PWWP3A: variants seen among roughly 807,000 people sequenced by gnomAD.
PWWP3A encodes the protein PWWP domain-containing DNA repair factor 3A.
In PWWP3A, 53 loss-of-function variants were observed where a neutral mutation model predicts 79.0. The observed-to-expected ratio is 0.67, with a 90% CI of 0.54 to 0.84. The LOEUF (loss-of-function observed/expected upper bound fraction) is 0.84, where lower values mean the gene tolerates loss of function less well. PWWP3A is among the 40% of genes least tolerant of loss of function. The pLI is 0.00. For synonymous variants in PWWP3A, 443 were observed against 394.4 expected, an observed-to-expected ratio of 1.12 and a Z score of -1.46; for missense variants, 973 against 948.0, an observed-to-expected ratio of 1.03 and a Z score of -0.35.
chr19:1,369,393 G>A lies in PWWP3A; in HGVS notation c.1498+53G>A. The A allele has an allele frequency of 1.3e-6, 2 of 1,591,738 alleles. No homozygotes were observed. The highest frequency in any genetic ancestry group is 2.2e-5 in the East Asian group (1 of 44,760). On this transcript the variant is annotated intron_variant, in intron 10 of 13. Transcript: ENST00000591337. The surrounding 1 kb of genome is among the most constrained non-coding windows in gnomAD (Gnocchi z 4.0). ...GCTGGGCAGCAGGCGTCCAGCCTCT[G>A]AAGACCCCTTGGACGGGCTGGGCCG...
intron 4 of PWWP3A, chr19:1,358,976 G>C: frequency 6.1e-6 from 2 of 325,706 alleles, no homozygotes; most frequent in Non-Finnish European, 1.2e-5. Context: ...CTGTCATGGG[G>C]GGCACGAGGC....
intron 4 of PWWP3A, chr19:1,359,061 C>G (rs996318629): frequency 1.2e-5 from 3 of 255,578 alleles, no homozygotes; most frequent in African/African-American, 6.5e-5. Flanking sequence ...TAGCACCCAC[C>G]TCCTTTGCAC....
chr19:1,373,196 G>A (rs748388445), intron 13 of PWWP3A, 36 bp downstream of exon 13: 12 of 1,581,006 alleles, frequency 7.6e-6, no homozygotes, highest in South Asian at 4.5e-5. Flanking sequence ...AGCCACTTGC[G>A]TCTCTGCCTT....
intron 9 of PWWP3A, 62 bp downstream of exon 9, chr19:1,367,282 C>T (rs761761118): frequency 1.5e-6 from 2 of 1,372,182 alleles, no homozygotes; most frequent in East Asian, 2.3e-5. Context: ...TAAATATGTC[C>T]TCTGTGTGTA....
chr19:1,370,622 G>C lies in PWWP3A; in HGVS notation c.1550-20G>C. 1 of 1,444,740 alleles carries C rather than the reference G, an allele frequency of 6.9e-7. No individual in the cohort carries two copies. The highest frequency in any genetic ancestry group is 1.5e-5 in the South Asian group (1 of 66,514). 89.5% of individuals were successfully genotyped at this position (1,444,740 alleles called of 1,614,324 possible). A position where few individuals can be genotyped will look rare whatever the true frequency, so the allele number is the denominator to read the frequency against. ...AAGGCAGCCCACGCGCTGGTCCCAC[G>C]ACAGGTGCTTCTTTTGCAGGCTATC... On this transcript the variant is annotated intron_variant, in intron 11 of 13. Transcript: ENST00000591337.
intron 13 of PWWP3A, among the ~76,000 whole-genome samples, chr19:1,374,667 C>T (rs2144770183): frequency 6.6e-6 from 1 of 152,238 alleles, no homozygotes; most frequent in Admixed American, 6.5e-5. Context: ...AGAGGGGTTG[C>T]TAGCTAAGCA....
chr19:1,358,661 C>T, intron 4 of PWWP3A, 197 bp downstream of exon 4: 1 of 1,530,538 alleles, frequency 6.5e-7, no homozygotes, highest in Non-Finnish European at 8.7e-7. Flanking sequence ...GAATTTGCCC[C>T]TAGAACCACT....
intron 9 of PWWP3A, 122 bp downstream of exon 9, chr19:1,367,342 G>A (rs2082150764): frequency 2.4e-6 from 2 of 829,378 alleles, no homozygotes; most frequent in South Asian, 1.7e-5. Flanking sequence ...ATTGTGGGAA[G>A]TAGCAGAGCC....
Position 1,369,375 on chromosome 19 carries a change from A to G in PWWP3A, c.1498+35A>G, listed in dbSNP as rs201145625. 2.1e-4 allele frequency: 339 copies of G among 1,603,742 alleles called. 3 individuals carry two copies. The East Asian group carries it at 6.8e-3, about 32-fold the overall frequency. On this transcript the variant is annotated intron_variant, in intron 10 of 13. Transcript: ENST00000591337. This position sits in a 1 kb window ranked among gnomAD's most constrained non-coding sequence, Gnocchi z 4.0. ...GTGCTGGGGAGGGGTGGAGCTGGGC[A>G]GCAGGCGTCCAGCCTCTGAAGACCC...
chr19:1,369,215 G>T lies in PWWP3A; in HGVS notation c.1423-50G>T, dbSNP rs1351573192. On this transcript the variant is annotated intron_variant, in intron 9 of 13. Coordinates refer to ENST00000591337, the MANE Select transcript of PWWP3A (RefSeq NM_001369789.1). This position sits in a 1 kb window ranked among gnomAD's most constrained non-coding sequence, Gnocchi z 4.0. Reference sequence around the variant, plus strand: ...GCTCTGCGTGGCTTCTGAACCCAGGGTGCTTGGCACTGCCTCCCACTGACG... The same window carrying T: ...GCTCTGCGTGGCTTCTGAACCCAGGTTGCTTGGCACTGCCTCCCACTGACG... 2 of 1,585,600 alleles carry T rather than the reference G, an allele frequency of 1.3e-6. No homozygotes were observed. The highest frequency in any genetic ancestry group is 2.2e-5 in the South Asian group (2 of 89,986).
intron 6 of PWWP3A, among the ~76,000 whole-genome samples, chr19:1,363,132 G>C (rs965697874): frequency 1.4e-4 from 22 of 152,248 alleles, no homozygotes; most frequent in Non-Finnish European, 2.9e-5. Flanking sequence ...GGATGTCCCC[G>C]GCCAGGAAGC....
intron 1 of PWWP3A, among the ~76,000 whole-genome samples, chr19:1,355,592 C>A (rs1472003010): frequency 7.0e-6 from 1 of 143,572 alleles, no homozygotes; most frequent in Non-Finnish European, 1.5e-5. Context: ...GCTGTGACCC[C>A]CTTCTCTGTT....
In PWWP3A at chr19:1,370,676, C is replaced by G. The variant is rs12608765; in HGVS notation, c.1584C>G (p.Val528=). 675,054 of 1,451,438 alleles carry G rather than the reference C, an allele frequency of 0.47. 162,867 individuals carry two copies. Among genetic ancestry groups the G allele is most frequent in the Middle Eastern group, 0.54 (2,649 of 4,890 alleles). The allele number at this position is 1,451,438 out of a possible 1,614,324, so 89.9% of individuals were successfully genotyped here. The change falls in exon 12 of 14, where the codon GTC becomes GTG. Residue 528 remains valine, a synonymous_variant. Coordinates refer to ENST00000591337, the MANE Select transcript of PWWP3A (RefSeq NM_001369789.1). Reference sequence around the variant, plus strand: ...TCCGAAAATCCATCCAGCAGGACGTCTTGGGGACCAAGCTTCCTCAACTGA... The same window carrying G: ...TCCGAAAATCCATCCAGCAGGACGTGTTGGGGACCAAGCTTCCTCAACTGA... The part of the protein sequence containing the change: ...YPVRKSIQQD[V]LGTKLPQLSK...
intron 6 of PWWP3A, among the ~76,000 whole-genome samples, chr19:1,363,877 C>T (rs1182140067): frequency 6.6e-6 from 1 of 152,200 alleles, no homozygotes; most frequent in African/African-American, 2.4e-5. Context: ...CACTTCCTTC[C>T]TTCCACAGTG....
intron 6 of PWWP3A, among the ~76,000 whole-genome samples, chr19:1,362,919 C>T (rs983071418): frequency 1.2e-4 from 18 of 152,250 alleles, no homozygotes; most frequent in African/African-American, 3.9e-4. Flanking sequence ...AACAGAAAGT[C>T]GGCTTCGCAA....
chr19:1,356,638 G>A (rs1215659868), intron 2 of PWWP3A, among the ~76,000 whole-genome samples, 189 bp downstream of exon 2: 1 of 142,656 alleles, frequency 7.0e-6, no homozygotes, highest in Admixed American at 7.3e-5. Context: ...TTCCAGAAAT[G>A]TCTTTTTTTT....
Position 1,360,695 on chromosome 19 carries a change from G to C in PWWP3A, c.774G>C (p.Gly258=). 1 of 1,613,494 alleles carries C rather than the reference G, an allele frequency of 6.2e-7. No individual in the cohort carries two copies. The highest frequency in any genetic ancestry group is 1.1e-5 in the South Asian group (1 of 91,042). The part of the protein sequence containing the change: ...GSWAAPSLPS[G]VREDDPCANA... ...GGGCAGCCCCGTCCTTGCCCTCCGG[G>C]GTCAGGGAGGACGATCCCTGTGCCA... Residue 258 remains glycine (G), a synonymous_variant, in exon 5 of 14, where the codon GGG becomes GGC. Coordinates refer to ENST00000591337, the MANE Select transcript of PWWP3A (RefSeq NM_001369789.1). This position sits in a 1 kb window ranked among gnomAD's most constrained non-coding sequence, Gnocchi z 4.4.
chr19:1,371,344 A>G (rs540084360), intron 12 of PWWP3A: 1 of 704,684 alleles, frequency 1.4e-6, no homozygotes, highest in African/African-American at 1.7e-5. Flanking sequence ...AGGGGGTGCG[A>G]ACTCCCTCCC....
At chr19:1,355,896 A>T (rs955544040) in intron 1 of PWWP3A, among the ~76,000 whole-genome samples, 2 of 151,892 alleles carry the variant, frequency 1.3e-5, no homozygotes, top group Admixed American at 1.3e-4. Context: ...GGGACATGGC[A>T]GCCAAAAGAG....
Sources: allele counts gnomAD v4.1 joint callset (sites outside exome capture counted in the v4.1 genomes callset), GRCh38; gene constraint gnomAD v4.1.1; non-coding constraint Gnocchi (gnomAD v3.1); transcripts MANE v1.5; gene names NCBI Gene and HGNC (gene_info 2026-07-23, HGNC 2026-07-21).